Variants in FLRT2 observed in about 807,000 individuals in gnomAD.
FLRT2 encodes the protein fibronectin leucine rich transmembrane protein 2.
In FLRT2, 15 loss-of-function variants were observed where a neutral mutation model predicts 40.0. The ratio of observed to expected loss-of-function variants is 0.38; its 90% CI spans 0.25 to 0.58. The LOEUF (loss-of-function observed/expected upper bound fraction) is 0.58. Among genes scored for constraint, FLRT2 ranks in the 20% least tolerant of loss-of-function variants. FLRT2 has a pLI of 0.71. For synonymous variants in FLRT2, 380 were observed against 336.8 expected, an observed-to-expected ratio of 1.13 and a Z score of -1.41; for missense variants, 726 against 840.0, an observed-to-expected ratio of 0.86 and a Z score of 1.68.
At chr14:85,549,855 A>T (rs1440233194) in intron 1 of FLRT2, among the ~76,000 whole-genome samples, 1 of 149,268 alleles carries the variant, frequency 6.7e-6, no homozygotes, top group Non-Finnish European at 1.5e-5. Context: ...GCAATTCCGT[A>T]AGGCTGTGTT....
At chr14:85,546,845 A>C (rs1420168969) in intron 1 of FLRT2, among the ~76,000 whole-genome samples, 1 of 152,142 alleles carries the variant, frequency 6.6e-6, no homozygotes, top group Non-Finnish European at 1.5e-5. Flanking sequence ...GAATGAACTA[A>C]ACATTCCCAA....
intron 1 of FLRT2, among the ~76,000 whole-genome samples, chr14:85,605,565 T>C (rs1892568293): frequency 2.0e-5 from 3 of 152,132 alleles, no homozygotes; most frequent in Non-Finnish European, 4.4e-5. Context: ...GGTCAGGAGA[T>C]CGAGACCATC....
chr14:85,623,453 T>C lies in FLRT2; in HGVS notation c.1939T>C (p.Tyr647His). The change falls in exon 2 of 2, where the codon TAC becomes CAC. Residue 647 changes from tyrosine to histidine, a missense_variant. This residue lies in a region of FLRT2 where 611 missense variants were observed against 690.0 expected (regional missense o/e 0.89). Transcript: ENST00000330753. ...CTGCCATATCCCCAACAACATGCGA[T>C]ACTGCAACAGCAGCGTGCCAGACCT... is the stretch of plus-strand genomic sequence containing the variant. ...TDCHIPNNMR[Y>H]CNSSVPDLEH... The C allele has an allele frequency of 2.7e-6, 4 of 1,470,574 alleles. No individual in the cohort carries two copies. The South Asian group carries it at 4.7e-5, about 17-fold the overall frequency. The allele number at this position is 1,470,574 out of a possible 1,614,324, so 91.1% of individuals were successfully genotyped here.
At chr14:85,560,975 A>G (rs1331384336) in intron 1 of FLRT2, 1 of 152,208 alleles carries the variant, frequency 6.6e-6, no homozygotes, top group Admixed American at 6.5e-5. Flanking sequence ...TAATTCCCCA[A>G]ACAGAAAAAC....
At chr14:85,573,742 G>A (rs1012204970) in intron 1 of FLRT2, among the ~76,000 whole-genome samples, 1 of 152,216 alleles carries the variant, frequency 6.6e-6, no homozygotes, top group African/African-American at 2.4e-5. Flanking sequence ...TTTCCCCTCA[G>A]CGTCCTCATC....
In FLRT2 at chr14:85,634,235, G is replaced by T. The variant is rs905080706; in HGVS notation, c.*10738G>T. ...GAAGTTCAGACATTTGATGAGGGGG[G>T]AAATATACTTTTTCAGTCCTTGACT... On this transcript the variant is annotated 3_prime_UTR_variant, in exon 2 of 2. Coordinates refer to ENST00000330753, the MANE Select transcript of FLRT2 (RefSeq NM_013231.6). The T allele has an allele frequency of 6.6e-6, 1 of 152,168 alleles. No homozygotes were observed. The highest frequency in any genetic ancestry group is 2.4e-5 in the African/African-American group (1 of 41,440). The allele number at this position is 152,168 out of a possible 1,614,324, so 9.4% of individuals were successfully genotyped here.
chr14:85,605,657 C>G (rs1233819004), intron 1 of FLRT2, among the ~76,000 whole-genome samples: 1 of 152,044 alleles, frequency 6.6e-6, no homozygotes, highest in Non-Finnish European at 1.5e-5. Context: ...GTAGTCCCAG[C>G]TACTCGGGAG....
intron 1 of FLRT2, 38 bp downstream of exon 1, chr14:85,530,572 A>C (rs1594972979): frequency 6.6e-6 from 1 of 151,814 alleles, no homozygotes; most frequent in South Asian, 2.1e-4. Context: ...GTTTCCAGTA[A>C]CCGGCCGAGC....
At chr14:85,573,539 T>C (rs1472497788) in intron 1 of FLRT2, among the ~76,000 whole-genome samples, 3 of 152,164 alleles carry the variant, frequency 2.0e-5, no homozygotes, top group Non-Finnish European at 4.4e-5. Flanking sequence ...ATGAAGGAGT[T>C]TGCACTTCAG....
chr14:85,549,547 T>G (rs568053003), intron 1 of FLRT2, among the ~76,000 whole-genome samples: 9 of 152,100 alleles, frequency 5.9e-5, no homozygotes, highest in African/African-American at 2.2e-4. Context: ...GGTCATGGAG[T>G]TTGGAATCAG....
intron 1 of FLRT2, among the ~76,000 whole-genome samples, chr14:85,531,562 A>G (rs1202235176): frequency 6.6e-6 from 1 of 152,088 alleles, no homozygotes; most frequent in African/African-American, 2.4e-5. Flanking sequence ...CCCATACTTG[A>G]TACCCGGGAA....
Position 85,623,526 on chromosome 14 carries a change from G to T in FLRT2, c.*29G>T. ...CCAGAGGCCCAGCGTTATCAAGGCG[G>T]ACAATTAGACTCTTGAGAACACACT... is the stretch of plus-strand genomic sequence containing the variant. On this transcript the variant is annotated 3_prime_UTR_variant, in exon 2 of 2. Transcript: ENST00000330753. 1 of 1,408,352 alleles carries T rather than the reference G, an allele frequency of 7.1e-7. No individual in the cohort carries two copies. Among genetic ancestry groups the T allele is most frequent in the Non-Finnish European group, 9.3e-7 (1 of 1,077,366 alleles). 87.2% of individuals were successfully genotyped at this position (1,408,352 alleles called of 1,614,324 possible).
intron 1 of FLRT2, among the ~76,000 whole-genome samples, chr14:85,579,067 T>C (rs1394441094): frequency 2.0e-5 from 3 of 152,188 alleles, no homozygotes; most frequent in Non-Finnish European, 4.4e-5. Context: ...AGTGAATCTC[T>C]GTTCCTCTCC....
At chr14:85,544,353 G>T (rs985560046) in intron 1 of FLRT2, among the ~76,000 whole-genome samples, 9 of 152,316 alleles carry the variant, frequency 5.9e-5, no homozygotes, top group Non-Finnish European at 1.0e-4. Context: ...CGGTTACGTA[G>T]ATGTTCACAC....
chr14:85,605,952 G>A (rs1280883828), intron 1 of FLRT2, among the ~76,000 whole-genome samples: 1 of 151,742 alleles, frequency 6.6e-6, no homozygotes, highest in Non-Finnish European at 1.5e-5. Flanking sequence ...TTATTATATT[G>A]AGATGAAAGA....
In FLRT2 at chr14:85,641,469, T is replaced by A. The variant is rs1367051749; in HGVS notation, c.*17972T>A. On this transcript the variant is annotated 3_prime_UTR_variant, in exon 2 of 2. Transcript: ENST00000330753. ...ACGGTGCCCATAATCAGTGTTTTAG[T>A]GTCTGGTCACTATCTTCAGTGGAGT... The A allele has an allele frequency of 1.3e-5, 2 of 152,370 alleles. No individual in the cohort carries two copies. Among genetic ancestry groups the A allele is most frequent in the East Asian group, 3.9e-4 (2 of 5,182 alleles). The allele number at this position is 152,370 out of a possible 1,614,324, so 9.4% of individuals were successfully genotyped here.
In FLRT2 at chr14:85,627,045, T is replaced by A. The variant is rs929814679; in HGVS notation, c.*3548T>A. ...CTTCACTTGATCTCCGGACCTTGGC[T>A]GCAGAGGCCATCGCAGCTTTTGAAA... is the stretch of plus-strand genomic sequence containing the variant. On this transcript the variant is annotated 3_prime_UTR_variant, in exon 2 of 2. Transcript: ENST00000330753. 1.2e-5 allele frequency: 2 copies of A among 167,070 alleles called. No homozygotes were observed. Among genetic ancestry groups the A allele is most frequent in the Admixed American group, 6.5e-5 (1 of 15,296 alleles). The allele number at this position is 167,070 out of a possible 1,614,324, so 10.3% of individuals were successfully genotyped here. A position where few individuals can be genotyped will look rare whatever the true frequency, so the allele number is the denominator to read the frequency against.
At chr14:85,598,112 A>G (rs1892222882) in intron 1 of FLRT2, among the ~76,000 whole-genome samples, 1 of 152,212 alleles carries the variant, frequency 6.6e-6, no homozygotes, top group Admixed American at 6.5e-5. Flanking sequence ...CCCACATCTA[A>G]TGATGAAAAT....
chr14:85,600,232 G>A (rs1264956081), intron 1 of FLRT2, among the ~76,000 whole-genome samples: 5 of 152,208 alleles, frequency 3.3e-5, no homozygotes, highest in African/African-American at 1.2e-4. Flanking sequence ...AAATGGAGAA[G>A]TCAGAAAAAG....
Sources: allele counts gnomAD v4.1 joint callset (sites outside exome capture counted in the v4.1 genomes callset), GRCh38; gene constraint gnomAD v4.1.1; regional missense constraint gnomAD v4.1.1; transcripts MANE v1.5; gene names NCBI Gene and HGNC (gene_info 2026-07-23, HGNC 2026-07-21).